Variants in BRIP1 observed in about 807,000 individuals in gnomAD.
BRIP1 encodes Fanconi anemia group J protein.
In BRIP1, 88 loss-of-function variants were observed where a neutral mutation model predicts 119.7. That is an observed-to-expected ratio of 0.74 (90% confidence interval 0.62 to 0.88). BRIP1 has a LOEUF of 0.88. BRIP1 is among the 40% of genes least tolerant of loss of function. The probability of loss-of-function intolerance (pLI) is 0.00; values close to 1 mark genes in which losing one functional copy is unlikely to be tolerated. For synonymous variants in BRIP1, 443 were observed against 496.5 expected, an observed-to-expected ratio of 0.89 and a Z score of 1.43; for missense variants, 1,259 against 1,455.4, an observed-to-expected ratio of 0.87 and a Z score of 2.20.
At position 61,807,957 on chromosome 17, in the gene BRIP1, A is replaced by G. The variant is rs2078098448; in HGVS notation, c.918+510T>C. 6.6e-6 allele frequency among the ~76,000 whole-genome samples: 1 copy of G among 152,148 alleles called. No homozygotes were observed. Among genetic ancestry groups the G allele is most frequent in the Non-Finnish European group, 1.5e-5 (1 of 68,006 alleles). On this transcript the variant is annotated intron_variant, in intron 7 of 19. Coordinates refer to ENST00000259008, the MANE Select transcript of BRIP1 (RefSeq NM_032043.3). The surrounding 1 kb of genome is among the most constrained non-coding windows in gnomAD (Gnocchi z 4.5). ...CCAATGACATCTTTTGAAAGTTAAT[A>G]ATTTAGTATAACTTTTAAAAGAGGG...
Position 61,799,232 on chromosome 17 carries a change from C to T in BRIP1, c.1208G>A (p.Arg403Gln), listed in dbSNP as rs786202780. ...DEAHNIEDCA[R>Q]ESASYSVTEV... ...TGTTACACTGTAACTTGCTGATTCC[C>T]GAGCACAGTCCTCGATGTTATGAGC... Residue 403 changes from arginine (R) to glutamine (Q), a missense_variant, in exon 9 of 20, where the codon CGG (arginine) becomes CAG (glutamine). This residue lies in a region of BRIP1 where 501 missense variants were observed against 544.0 expected (regional missense o/e 0.92). Transcript: ENST00000259008. This position sits in a 1 kb window ranked among gnomAD's most constrained non-coding sequence, Gnocchi z 5.1. 10 of 1,613,450 alleles carry T rather than the reference C, an allele frequency of 6.2e-6. No individual in the cohort carries two copies. The highest frequency in any genetic ancestry group is 5.0e-5 in the Admixed American group (3 of 59,906).
At chr17:61,837,164 CA>C (rs1487482494) in intron 6 of BRIP1, among the ~76,000 whole-genome samples, 1 of 152,188 alleles carries the variant, frequency 6.6e-6, no homozygotes, top group Non-Finnish European at 1.5e-5. Context: ...CTGTATTTGC[CA>C]GGTGAATTAA....
rs1033260610 is a variant in BRIP1, at chr17:61,755,019, G to T, written c.2098-10428C>A. On this transcript the variant is annotated intron_variant, in intron 14 of 19. Coordinates refer to ENST00000259008, the MANE Select transcript of BRIP1 (RefSeq NM_032043.3). This position sits in a 1 kb window ranked among gnomAD's most constrained non-coding sequence, Gnocchi z 4.5. ...TCATCTAACATATTAGTAGCTTTCTGTGTCTCTCATTTATTTTCTGTCTCT... is the reference window on the plus strand; with the variant it reads ...TCATCTAACATATTAGTAGCTTTCTTTGTCTCTCATTTATTTTCTGTCTCT... Among the ~76,000 whole-genome samples, 12 of 152,098 alleles carry T rather than the reference G, an allele frequency of 7.9e-5. No individual in the cohort carries two copies. The highest frequency in any genetic ancestry group is 1.2e-4 in the African/African-American group (5 of 41,412).
chr17:61,842,998 T>C lies in BRIP1; in HGVS notation c.627+4103A>G, dbSNP rs912627407. 6.6e-6 allele frequency among the ~76,000 whole-genome samples: 1 copy of C among 151,968 alleles called. No homozygotes were observed. Among genetic ancestry groups the C allele is most frequent in the Non-Finnish European group, 1.5e-5 (1 of 68,000 alleles). On this transcript the variant is annotated intron_variant, in intron 6 of 19. Coordinates refer to ENST00000259008, the MANE Select transcript of BRIP1 (RefSeq NM_032043.3). The surrounding 1 kb of genome is among the most constrained non-coding windows in gnomAD (Gnocchi z 5.1). ...TCTGTCAATGGATGAATAAAGAAAA[T>C]GTGGTGTGTATGTGTATGTCAATGG...
In BRIP1 at chr17:61,808,590, C is replaced by A. The variant is rs61754143; in HGVS notation, c.795G>T (p.Arg265Ser). ...QIAQITRELR[R>S]TAYSGVPMTI... The stretch of plus-strand genomic sequence containing the variant: ...TCATTGGAACCCCTGAATATGCCGT[C>A]CTCCGGAGCTCTCTAGTAATCTGAG... The change falls in exon 7 of 20, where the codon AGG becomes AGT. Residue 265 changes from arginine (R) to serine (S), a missense_variant. Transcript: ENST00000259008. The surrounding 1 kb of genome is among the most constrained non-coding windows in gnomAD (Gnocchi z 4.1). 6.2e-7 allele frequency: 1 copy of A among 1,614,000 alleles called. No homozygotes were observed. Among genetic ancestry groups the A allele is most frequent in the Non-Finnish European group, 8.5e-7 (1 of 1,179,914 alleles).
chr17:61,847,427 T>C (rs1239388132), intron 5 of BRIP1, among the ~76,000 whole-genome samples: 2 of 152,232 alleles, frequency 1.3e-5, no homozygotes, highest in Non-Finnish European at 2.9e-5. Flanking sequence ...TAGTGACTCA[T>C]GAATCTTAGC....
rs762606772 is a variant in BRIP1, at chr17:61,709,837, T to C, written c.2492+6114A>G. Among the ~76,000 whole-genome samples the C allele has an allele frequency of 1.4e-4, 22 of 152,108 alleles. No homozygotes were observed. The highest frequency in any genetic ancestry group is 1.9e-4 in the Non-Finnish European group (13 of 68,024). ...TTCCAAAGGCTGTTCTTGTATTTCA[T>C]AGACTTATATTACTTCAAATACTCT... On this transcript the variant is annotated intron_variant, in intron 17 of 19. Transcript: ENST00000259008. This position sits in a 1 kb window ranked among gnomAD's most constrained non-coding sequence, Gnocchi z 5.0.
In BRIP1 at chr17:61,831,193, T is replaced by C. The variant is rs565006294; in HGVS notation, c.627+15908A>G. 3.3e-4 allele frequency among the ~76,000 whole-genome samples: 50 copies of C among 152,308 alleles called. No homozygotes were observed. Among genetic ancestry groups the C allele is most frequent in the Admixed American group, 2.2e-3 (34 of 15,300 alleles). On this transcript the variant is annotated intron_variant, in intron 6 of 19. Coordinates refer to ENST00000259008, the MANE Select transcript of BRIP1 (RefSeq NM_032043.3). The surrounding 1 kb of genome is among the most constrained non-coding windows in gnomAD (Gnocchi z 4.1). ...ACAGAACAGTGAGGGACCAGAATGTTTTCCACCACAAGGTTGTGAACAAGG... is the reference window on the plus strand; with the variant it reads ...ACAGAACAGTGAGGGACCAGAATGTCTTCCACCACAAGGTTGTGAACAAGG...
chr17:61,802,321 T>C lies in BRIP1; in HGVS notation c.919-847A>G, dbSNP rs1035724873. On this transcript the variant is annotated intron_variant, in intron 7 of 19. Transcript: ENST00000259008. This position sits in a 1 kb window ranked among gnomAD's most constrained non-coding sequence, Gnocchi z 6.0. ...ACAAAAAATAAAAAATTTTCTAGGA[T>C]TGGTGGCGTACATCAATGGTCCTAG... is the stretch of plus-strand genomic sequence containing the variant. Among the ~76,000 whole-genome samples, 29 of 151,930 alleles carry C rather than the reference T, an allele frequency of 1.9e-4. No individual in the cohort carries two copies. Among genetic ancestry groups the C allele is most frequent in the African/African-American group, 6.8e-4 (28 of 41,360 alleles).
In BRIP1 at chr17:61,816,047, G is replaced by A. The variant is rs966582426; in HGVS notation, c.628-7290C>T. Among the ~76,000 whole-genome samples, 1 of 152,084 alleles carries A rather than the reference G, an allele frequency of 6.6e-6. No individual in the cohort carries two copies. Among genetic ancestry groups the A allele is most frequent in the Non-Finnish European group, 1.5e-5 (1 of 68,008 alleles). The stretch of plus-strand genomic sequence containing the variant: ...ACAGTAGTAGTACCCTACTGCCACC[G>A]TTTCATGATTAGACTGCACAAAGCA... On this transcript the variant is annotated intron_variant, in intron 6 of 19. Transcript: ENST00000259008. This position sits in a 1 kb window ranked among gnomAD's most constrained non-coding sequence, Gnocchi z 5.0.
rs2078974739 is a variant in BRIP1, at chr17:61,861,589, G to C, written c.-30-20C>G. The stretch of plus-strand genomic sequence containing the variant: ...TCCTAACTACAACAGAAATGAAAAT[G>C]TCAAATATTGAGACACGCCTTACAA... On this transcript the variant is annotated intron_variant, in intron 1 of 19. Coordinates refer to ENST00000259008, the MANE Select transcript of BRIP1 (RefSeq NM_032043.3). This position sits in a 1 kb window ranked among gnomAD's most constrained non-coding sequence, Gnocchi z 4.5. The C allele has an allele frequency of 1.5e-6, 2 of 1,373,372 alleles. No homozygotes were observed. The highest frequency in any genetic ancestry group is 2.1e-6 in the Non-Finnish European group (2 of 962,024). 85.1% of individuals were successfully genotyped at this position (1,373,372 alleles called of 1,614,324 possible).
rs540687207 is a variant in BRIP1 at position 61,855,752 on chromosome 17, C to G, written c.379+1306G>C. Reference sequence around the variant, plus strand: ...ACAACAAATATTTATCTAGCACCTACCATATGCCAGGCACCCTGCTAGAGT... The same window carrying G: ...ACAACAAATATTTATCTAGCACCTAGCATATGCCAGGCACCCTGCTAGAGT... On this transcript the variant is annotated intron_variant, in intron 4 of 19. Coordinates refer to ENST00000259008, the MANE Select transcript of BRIP1 (RefSeq NM_032043.3). Among the ~76,000 whole-genome samples, 89 of 152,176 alleles carry G rather than the reference C, an allele frequency of 5.8e-4. 2 individuals are homozygous for G. The South Asian group carries it at 0.018, about 32-fold the overall frequency.
At position 61,759,508 on chromosome 17, in the gene BRIP1, A is replaced by G. The variant is rs901744818; in HGVS notation, c.2098-14917T>C. On this transcript the variant is annotated intron_variant, in intron 14 of 19. Transcript: ENST00000259008. The surrounding 1 kb of genome is among the most constrained non-coding windows in gnomAD (Gnocchi z 4.9). ...ATTGATACCCCACTTTCAACAATGA[A>G]CAAATCATCCAGACAGAAAATATAT... 2.0e-5 allele frequency among the ~76,000 whole-genome samples: 3 copies of G among 152,148 alleles called. No individual in the cohort carries two copies. The highest frequency in any genetic ancestry group is 7.2e-5 in the African/African-American group (3 of 41,448).
At chr17:61,750,294 G>A (rs1410914343) in intron 14 of BRIP1, among the ~76,000 whole-genome samples, 2 of 152,102 alleles carry the variant, frequency 1.3e-5, no homozygotes, top group Non-Finnish European at 2.9e-5. Context: ...TCAGCAGATG[G>A]TGTTGAGAAA....
In BRIP1 at chr17:61,823,352, A is replaced by C. The variant is rs1234965268; in HGVS notation, c.628-14595T>G. ...ACTAACAAATTGGACAAGATATATG[A>C]AACAGTACTTTTCAGACACTGAATT... is the stretch of plus-strand genomic sequence containing the variant. On this transcript the variant is annotated intron_variant, in intron 6 of 19. Coordinates refer to ENST00000259008, the MANE Select transcript of BRIP1 (RefSeq NM_032043.3). This position sits in a 1 kb window ranked among gnomAD's most constrained non-coding sequence, Gnocchi z 4.8. Among the ~76,000 whole-genome samples, 1 of 152,240 alleles carries C rather than the reference A, an allele frequency of 6.6e-6. No homozygotes were observed. Among genetic ancestry groups the C allele is most frequent in the African/African-American group, 2.4e-5 (1 of 41,464 alleles).
At chr17:61,786,188 A>G (rs191724353) in intron 10 of BRIP1, among the ~76,000 whole-genome samples, 5 of 151,926 alleles carry the variant, frequency 3.3e-5, no homozygotes, top group African/African-American at 1.2e-4. Flanking sequence ...GAGAGAGCGC[A>G]TGAGTGAGCG....
chr17:61,697,794 A>ATAAAAG (rs1246002038), intron 17 of BRIP1, among the ~76,000 whole-genome samples: 3 of 151,908 alleles, frequency 2.0e-5, no homozygotes, highest in Non-Finnish European at 2.9e-5. Context: ...ATTCTTTTAA[A>ATAAAAG]ATACAGATGT....
chr17:61,688,462 C>CA (rs2061393085), intron 18 of BRIP1, among the ~76,000 whole-genome samples: 1 of 152,016 alleles, frequency 6.6e-6, no homozygotes, highest in African/African-American at 2.4e-5. Flanking sequence ...ACATGGGCGA[C>CA]AGAGTGAGAC....
intron 6 of BRIP1, among the ~76,000 whole-genome samples, chr17:61,826,758 CAGAT>C (rs2078415709): frequency 4.3e-5 from 2 of 46,294 alleles, no homozygotes; most frequent in African/African-American, 1.6e-4. Context: ...AAAAAAAAAA[CAGAT>C]GCCGGTGAGG....
Sources: allele counts gnomAD v4.1 joint callset (sites outside exome capture counted in the v4.1 genomes callset), GRCh38; gene constraint gnomAD v4.1.1; regional missense constraint gnomAD v4.1.1; non-coding constraint Gnocchi (gnomAD v3.1); transcripts MANE v1.5; gene names NCBI Gene and HGNC (gene_info 2026-07-23, HGNC 2026-07-21).